Variants in ERBB4 observed in about 807,000 individuals in gnomAD.
The protein encoded by ERBB4 is erb-b2 receptor tyrosine kinase 4, also known as receptor tyrosine-protein kinase erbB-4.
In ERBB4, 42 loss-of-function variants were observed where a neutral mutation model predicts 158.0. The ratio of observed to expected loss-of-function variants is 0.27; its 90% CI spans 0.21 to 0.34. ERBB4 has a LOEUF of 0.34. Ranked by LOEUF, ERBB4 falls within the 10% of genes least tolerant of loss-of-function variation. The pLI, the probability that ERBB4 is intolerant of heterozygous loss-of-function variation, is 1.00. For synonymous variants in ERBB4, 583 were observed against 558.7 expected (o/e 1.04, Z -0.61); for missense variants, 1,333 against 1,624.1 (o/e 0.82, Z 3.08).
chr2:212,431,154 A>G (rs554691254), intron 1 of ERBB4, among the ~76,000 whole-genome samples: 30 of 151,854 alleles, frequency 2.0e-4, no homozygotes, highest in African/African-American at 6.8e-4. Context: ...AATGCTACTC[A>G]GCCTCTCTGT....
chr2:211,744,582 CTT>C lies in ERBB4; in HGVS notation c.622+6055_622+6056del, dbSNP rs549682832. On this transcript the variant is annotated intron_variant, in intron 5 of 27. Coordinates refer to ENST00000342788, the MANE Select transcript of ERBB4 (RefSeq NM_005235.3). ...AGATGTTTTCAATCTGATCACCACTCTTTGCTTCATTTCACCCTAACAAGTCA... is the reference window on the plus strand; with the variant it reads ...AGATGTTTTCAATCTGATCACCACTCTGCTTCATTTCACCCTAACAAGTCA... 1.1e-4 allele frequency among the ~76,000 whole-genome samples: 16 copies of C among 152,310 alleles called. No individual in the cohort carries two copies. The South Asian group carries it at 2.9e-3, about 28-fold the overall frequency.
intron 1 of ERBB4, among the ~76,000 whole-genome samples, chr2:212,184,696 T>C (rs906914623): frequency 3.3e-5 from 5 of 152,124 alleles, no homozygotes; most frequent in Middle Eastern, 3.2e-3. Flanking sequence ...TACAAAAATA[T>C]TACAATTTTA....
chr2:211,550,109 A>G (rs570982809), intron 20 of ERBB4, among the ~76,000 whole-genome samples: 5 of 152,220 alleles, frequency 3.3e-5, no homozygotes, highest in Admixed American at 3.3e-4. Flanking sequence ...AATGCTGACC[A>G]CCATTAAGCT....
rs967712705 is a variant in ERBB4, at chr2:211,893,479, C to T, written c.421+53951G>A. ...ACCCTAGAAGAAAACCTAGGCATTA[C>T]CATTCAGGACATAGGCATGGGCAAG... is the stretch of plus-strand genomic sequence containing the variant. On this transcript the variant is annotated intron_variant, in intron 3 of 27. Transcript: ENST00000342788. Among the ~76,000 whole-genome samples the T allele has an allele frequency of 5.9e-3, 825 of 140,478 alleles. 50 individuals are homozygous for T. Among genetic ancestry groups the T allele is most frequent in the Admixed American group, 8.5e-3 (123 of 14,414 alleles). The allele number at this position is 140,478 out of a possible 152,430, so 92.2% of individuals were successfully genotyped here.
intron 23 of ERBB4, among the ~76,000 whole-genome samples, chr2:211,423,769 A>G (rs920203084): frequency 2.0e-5 from 3 of 151,926 alleles, no homozygotes; most frequent in Non-Finnish European, 4.4e-5. Context: ...CTTCATGTTT[A>G]GATCATTTAT....
At position 211,379,480 on chromosome 2, in the gene ERBB4, C is replaced by T. The variant is rs1574495460; in HGVS notation, c.*4135G>A. The T allele has an allele frequency of 4.3e-6, 1 of 230,736 alleles. No homozygotes were observed. Among genetic ancestry groups the T allele is most frequent in the Middle Eastern group, 1.3e-3 (1 of 776 alleles). 14.3% of individuals were successfully genotyped at this position (230,736 alleles called of 1,614,324 possible). ...AAGTGGAACCATATATGCCTACTTT[C>T]AGCTAAACCCAACAAACAACAATTT... is the stretch of plus-strand genomic sequence containing the variant. On this transcript the variant is annotated 3_prime_UTR_variant, in exon 28 of 28. Transcript: ENST00000342788.
At chr2:212,061,453 CAAAAAAAAAAAAA>C (rs754237880) in intron 2 of ERBB4, among the ~76,000 whole-genome samples, 17 of 22,810 alleles carry the variant, frequency 7.5e-4, no homozygotes, top group Non-Finnish European at 1.2e-3. Context: ...ACTCTGTCTC[CAAAAAAAAAAAAA>C]AAAAAAAAAA....
rs1349200886 is a variant in ERBB4 at position 212,363,421 on chromosome 2, T to C, written c.82+175028A>G. On this transcript the variant is annotated intron_variant, in intron 1 of 27. Coordinates refer to ENST00000342788, the MANE Select transcript of ERBB4 (RefSeq NM_005235.3). ...GATAATACCTAGATAGATTTATTCA[T>C]TGAAAAAATACATGGATGCTTAAAA... is the stretch of plus-strand genomic sequence containing the variant. Among the ~76,000 whole-genome samples the C allele has an allele frequency of 2.0e-5, 3 of 151,558 alleles. 1 individual carries two copies. Among genetic ancestry groups the C allele is most frequent in the Non-Finnish European group, 4.4e-5 (3 of 67,604 alleles).
At chr2:211,697,010 G>A (rs2073051169) in intron 12 of ERBB4, among the ~76,000 whole-genome samples, 1 of 152,152 alleles carries the variant, frequency 6.6e-6, no homozygotes, top group African/African-American at 2.4e-5. Context: ...GTGAAATGAA[G>A]AGCCTAGACT....
At chr2:211,972,762 G>T (rs2083297) in intron 2 of ERBB4, among the ~76,000 whole-genome samples, 1 of 152,034 alleles carries the variant, frequency 6.6e-6, no homozygotes, top group African/African-American at 2.4e-5. Flanking sequence ...ATTCAAGATG[G>T]ACTAAAGATT....
At chr2:212,244,429 C>G (rs886458074) in intron 1 of ERBB4, among the ~76,000 whole-genome samples, 1 of 152,076 alleles carries the variant, frequency 6.6e-6, no homozygotes, top group African/African-American at 2.4e-5. Context: ...AAAAACTCTG[C>G]AAGGCAGAAT....
chr2:212,306,828 T>G (rs1247602613), intron 1 of ERBB4, among the ~76,000 whole-genome samples: 1 of 151,326 alleles, frequency 6.6e-6, no homozygotes, highest in Non-Finnish European at 1.5e-5. Context: ...TTACCCAAAG[T>G]TATTTGACAC....
intron 19 of ERBB4, among the ~76,000 whole-genome samples, chr2:211,594,244 C>T (rs1258952117): frequency 6.6e-6 from 1 of 152,074 alleles, no homozygotes; most frequent in East Asian, 1.9e-4. Context: ...TGAGACCAGC[C>T]TGGGCAACAC....
intron 1 of ERBB4, among the ~76,000 whole-genome samples, chr2:212,208,514 C>T (rs544475040): frequency 3.9e-5 from 6 of 152,148 alleles, no homozygotes; most frequent in Admixed American, 3.9e-4. Flanking sequence ...TGGAATAGGA[C>T]ACAACTGAGA....
chr2:211,495,148 T>A (rs776191424), intron 20 of ERBB4, among the ~76,000 whole-genome samples: 2 of 152,016 alleles, frequency 1.3e-5, no homozygotes, highest in South Asian at 4.1e-4. Flanking sequence ...ACTACACTTA[T>A]TGGACAAGGA....
chr2:211,571,940 T>A (rs558652407), intron 19 of ERBB4, among the ~76,000 whole-genome samples: 5 of 149,730 alleles, frequency 3.3e-5, no homozygotes, highest in Admixed American at 3.3e-4. Flanking sequence ...TACTTTACTA[T>A]TTTTTTTTTA....
chr2:212,129,909 T>C (rs529188308), intron 1 of ERBB4, among the ~76,000 whole-genome samples: 2 of 152,200 alleles, frequency 1.3e-5, no homozygotes, highest in East Asian at 1.9e-4. Context: ...AGTATATTCA[T>C]CATAAATTTT....
intron 3 of ERBB4, among the ~76,000 whole-genome samples, chr2:211,939,494 A>G (rs1319190705): frequency 6.6e-6 from 1 of 152,106 alleles, no homozygotes; most frequent in Non-Finnish European, 1.5e-5. Context: ...CTGGAAGAGA[A>G]CAACATGTAG....
intron 25 of ERBB4, among the ~76,000 whole-genome samples, chr2:211,413,827 A>C (rs966622582): frequency 7.2e-5 from 11 of 151,898 alleles, no homozygotes; most frequent in African/African-American, 2.7e-4. Flanking sequence ...GGAATGTATT[A>C]AGTGAAAAAG....
Sources: gnomAD v4.1 joint callset for allele counts (sites outside exome capture counted in the v4.1 genomes callset) on GRCh38, gnomAD v4.1.1 for gene constraint, MANE v1.5 for transcripts, NCBI Gene and HGNC (gene_info 2026-07-23, HGNC 2026-07-21) for gene names.